The following FRMD4A variants were observed in gnomAD, a reference collection of about 807,000 sequenced individuals.
The protein encoded by FRMD4A is FERM domain containing 4A, also known as FERM domain-containing protein 4A.
Under a neutral mutation model 129.1 loss-of-function variants are expected in FRMD4A, and 29 were observed. The observed-to-expected ratio is 0.22, with a 90% CI of 0.17 to 0.31. The LOEUF (loss-of-function observed/expected upper bound fraction) is 0.31. FRMD4A is among the 10% of genes least tolerant of loss of function. FRMD4A has a pLI of 1.00. For missense variants in FRMD4A, 1,272 were observed against 1,375.8 expected (o/e 0.92, Z 1.19); for synonymous variants, 634 against 571.6 (o/e 1.11, Z -1.56).
chr10:14,084,616 A>G (rs1836147766), intron 2 of FRMD4A, among the ~76,000 whole-genome samples: 1 of 152,148 alleles, frequency 6.6e-6, no homozygotes, highest in Non-Finnish European at 1.5e-5. Context: ...CACTTTTGAT[A>G]TGCAAACCAA....
intron 14 of FRMD4A, among the ~76,000 whole-genome samples, chr10:13,698,951 G>C (rs149077274): frequency 1.3e-5 from 2 of 151,960 alleles, no homozygotes; most frequent in Non-Finnish European, 2.9e-5. Flanking sequence ...AGTCCCCAAG[G>C]GTTACTTTTA....
chr10:13,903,645 G>A (rs1184352571), intron 2 of FRMD4A, among the ~76,000 whole-genome samples: 3 of 151,988 alleles, frequency 2.0e-5, no homozygotes, highest in Non-Finnish European at 2.9e-5. Context: ...GCTGAGGCAT[G>A]AGGATCACTT....
At chr10:13,901,724 G>A (rs1157386764) in intron 2 of FRMD4A, among the ~76,000 whole-genome samples, 1 of 152,052 alleles carries the variant, frequency 6.6e-6, no homozygotes, top group Non-Finnish European at 1.5e-5. Flanking sequence ...AATCTCTCAA[G>A]TGAGCAATAG....
At chr10:13,816,644 T>G (rs2093548678) in intron 3 of FRMD4A, among the ~76,000 whole-genome samples, 1 of 152,244 alleles carries the variant, frequency 6.6e-6, no homozygotes, top group South Asian at 2.1e-4. Context: ...TTTCTTAAAC[T>G]CCTTCAGAGA....
At chr10:13,884,144 T>A (rs28431439) in intron 2 of FRMD4A, among the ~76,000 whole-genome samples, 1,475 of 104,998 alleles carry the variant, frequency 0.014, 98 homozygotes, top group East Asian at 0.11. Flanking sequence ...TCACACACAC[T>A]CTCACACACT....
chr10:14,275,856 C>T (rs1218351), intron 2 of FRMD4A, among the ~76,000 whole-genome samples: 94,195 of 151,916 alleles, frequency 0.62, 30,619 homozygotes, highest in African/African-American at 0.83. Flanking sequence ...CTGGGCAATA[C>T]AGCAAGACCC....
rs115189451 is a variant in FRMD4A at position 14,017,305 on chromosome 10, G to A, written c.46-158393C>T. 3.5e-3 allele frequency among the ~76,000 whole-genome samples: 528 copies of A among 152,300 alleles called. 1 individual carries two copies. The highest frequency in any genetic ancestry group is 0.012 in the African/African-American group (503 of 41,578). ...AGCCCGTTTTCATGTGCTGTCAGTC[G>A]TGGATGGATTTTGATAACTAGCATT... On this transcript the variant is annotated intron_variant, in intron 2 of 24. Transcript: ENST00000357447.
intron 2 of FRMD4A, among the ~76,000 whole-genome samples, chr10:13,965,065 A>G (rs1483681056): frequency 1.4e-5 from 2 of 141,078 alleles, no homozygotes; most frequent in Admixed American, 1.4e-4. Context: ...ACCACTGGGC[A>G]TTTTTTTTTT....
chr10:13,759,526 G>C (rs2091986919), intron 8 of FRMD4A, among the ~76,000 whole-genome samples: 1 of 152,134 alleles, frequency 6.6e-6, no homozygotes, highest in Admixed American at 6.5e-5. Flanking sequence ...GAAATGTGGA[G>C]GGAAAAATGT....
intron 2 of FRMD4A, among the ~76,000 whole-genome samples, chr10:13,971,094 TCA>T (rs753118088): frequency 9.9e-5 from 15 of 151,744 alleles, no homozygotes; most frequent in African/African-American, 2.7e-4. Context: ...ATAGGTACAC[TCA>T]CACACACACA....
At chr10:13,869,366 GT>G (rs2094413393) in intron 2 of FRMD4A, among the ~76,000 whole-genome samples, 1 of 152,228 alleles carries the variant, frequency 6.6e-6, no homozygotes, top group Non-Finnish European at 1.5e-5. Flanking sequence ...GCTCAGTTGT[GT>G]GATGTGGGGA....
At chr10:14,142,557 T>C (rs1839889108) in intron 2 of FRMD4A, among the ~76,000 whole-genome samples, 2 of 152,182 alleles carry the variant, frequency 1.3e-5, no homozygotes, top group African/African-American at 2.4e-5. Flanking sequence ...TAGTGTACAA[T>C]AAGCAACTCA....
At chr10:13,994,692 A>G (rs2095616319) in intron 2 of FRMD4A, among the ~76,000 whole-genome samples, 1 of 152,214 alleles carries the variant, frequency 6.6e-6, no homozygotes, top group African/African-American at 2.4e-5. Flanking sequence ...CCTCTCTCAC[A>G]TACACACATA....
intron 2 of FRMD4A, among the ~76,000 whole-genome samples, chr10:13,983,861 G>A (rs2095571282): frequency 6.6e-6 from 1 of 152,008 alleles, no homozygotes; most frequent in Non-Finnish European, 1.5e-5. Flanking sequence ...AAAATAGCCG[G>A]GCATGATGGC....
rs539925989 is a variant in FRMD4A at position 14,094,630 on chromosome 10, G to A, written c.45+235428C>T. Among the ~76,000 whole-genome samples, 3 of 152,248 alleles carry A rather than the reference G, an allele frequency of 2.0e-5. No homozygotes were observed. In the South Asian group the frequency reaches 6.2e-4, roughly 32 times the overall value. ...CTGCATGGCTCCATGTGGCCCTGCT[G>A]GAAAAATCCTGTCTGCTTCAGAAAC... On this transcript the variant is annotated intron_variant, in intron 2 of 24. Coordinates refer to ENST00000357447, the MANE Select transcript of FRMD4A (RefSeq NM_018027.5).
At chr10:14,130,818 T>C (rs1330562227) in intron 2 of FRMD4A, among the ~76,000 whole-genome samples, 1 of 152,214 alleles carries the variant, frequency 6.6e-6, no homozygotes, top group Non-Finnish European at 1.5e-5. Context: ...TTTACATTTA[T>C]CTCAAAACTC....
chr10:14,172,267 T>C (rs1388892611), intron 2 of FRMD4A, among the ~76,000 whole-genome samples: 1 of 152,216 alleles, frequency 6.6e-6, no homozygotes, highest in Non-Finnish European at 1.5e-5. Context: ...CTATTTGCTA[T>C]GTAGAGATTT....
chr10:13,855,548 C>T (rs6602690), intron 3 of FRMD4A, among the ~76,000 whole-genome samples: 152,263 of 152,268 alleles, frequency 1, 76,129 homozygotes, highest in Middle Eastern at 1. Context: ...AGGTGTCTTT[C>T]CCACCCATCC....
At chr10:13,936,580 A>G (rs981067469) in intron 2 of FRMD4A, among the ~76,000 whole-genome samples, 1 of 152,198 alleles carries the variant, frequency 6.6e-6, no homozygotes. Context: ...CCATGTGAGG[A>G]CACAAAGAGA....
Sources: gnomAD v4.1 joint callset for allele counts (sites outside exome capture counted in the v4.1 genomes callset) on GRCh38, gnomAD v4.1.1 for gene constraint, MANE v1.5 for transcripts, NCBI Gene and HGNC (gene_info 2026-07-23, HGNC 2026-07-21) for gene names.